Variants in N4BP2L2 observed in about 807,000 individuals in gnomAD.
N4BP2L2 encodes the protein NEDD4 binding protein 2 like 2, also known as NEDD4-binding protein 2-like 2.
In N4BP2L2, 50 loss-of-function variants were observed where a neutral mutation model predicts 56.2. That is an observed-to-expected ratio of 0.89 (90% CI 0.71 to 1.13). N4BP2L2 has a LOEUF of 1.13. N4BP2L2 is among the 50% of genes most tolerant of loss of function. N4BP2L2 has a pLI of 0.00. For synonymous variants in N4BP2L2, 203 were observed against 223.6 expected, an observed-to-expected ratio of 0.91 and a Z score of 0.82; for missense variants, 689 against 693.8, an observed-to-expected ratio of 0.99 and a Z score of 0.08.
chr13:32,454,419 G>T (rs556176117), intron 6 of N4BP2L2, among the ~76,000 whole-genome samples: 1 of 152,072 alleles, frequency 6.6e-6, no homozygotes, highest in Non-Finnish European at 1.5e-5. Context: ...CAAACCTTGG[G>T]GGGGAGGGGG....
chr13:32,444,266 G>C (rs2076707850), intron 6 of N4BP2L2: 1 of 552,790 alleles, frequency 1.8e-6, no homozygotes, highest in East Asian at 3.5e-5. Context: ...CTTTTTCTTT[G>C]TTTGTTTGTT....
chr13:32,449,275 T>A (rs1274088153), intron 6 of N4BP2L2, among the ~76,000 whole-genome samples: 1 of 152,228 alleles, frequency 6.6e-6, no homozygotes, highest in Non-Finnish European at 1.5e-5. Flanking sequence ...ATGTAGTTTG[T>A]CTCACTAAAC....
At chr13:32,534,189 G>A (rs1419427951) in intron 2 of N4BP2L2, among the ~76,000 whole-genome samples, 1 of 151,918 alleles carries the variant, frequency 6.6e-6, no homozygotes, top group Non-Finnish European at 1.5e-5. Flanking sequence ...GGTACTTGTT[G>A]GTACTACATA....
At chr13:32,480,658 T>TA in intron 6 of N4BP2L2, 1 of 1,279,592 alleles carries the variant, frequency 7.8e-7, no homozygotes, top group Admixed American at 2.4e-5. Flanking sequence ...AAATAACATT[T>TA]AGATTGTGCT....
chr13:32,535,229 TTC>T (rs1283632013), intron 2 of N4BP2L2, among the ~76,000 whole-genome samples: 2 of 152,200 alleles, frequency 1.3e-5, no homozygotes, highest in African/African-American at 2.4e-5. Flanking sequence ...TACCCAAATT[TTC>T]TCTTTTTCTC....
intron 6 of N4BP2L2, chr13:32,478,345 G>A (rs568253396): frequency 1.5e-4 from 38 of 249,964 alleles, no homozygotes; most frequent in African/African-American, 2.0e-4. Flanking sequence ...ACTATATAAC[G>A]CAATTTCTTA....
chr13:32,536,331 A>C (rs1454853676), exon 2 of N4BP2L2: 1 of 1,614,052 alleles, frequency 6.2e-7, no homozygotes, highest in Middle Eastern at 1.6e-4. Flanking sequence ...TGATAATCAC[A>C]ATGTGATGGC....
At chr13:32,510,928 C>G (rs2047994012) in exon 6 of N4BP2L2, 1 of 150,960 alleles carries the variant, frequency 6.6e-6, no homozygotes, top group South Asian at 2.1e-4. Flanking sequence ...AAGATGGAAT[C>G]AACTCTTCAC....
chr13:32,502,054 C>A (rs1484504068), intron 6 of N4BP2L2, among the ~76,000 whole-genome samples: 2 of 148,830 alleles, frequency 1.3e-5, no homozygotes, highest in African/African-American at 2.5e-5. Flanking sequence ...TCTAGACCTA[C>A]TACAGCATTT....
intron 6 of N4BP2L2, among the ~76,000 whole-genome samples, chr13:32,458,359 C>T (rs1182401349): frequency 6.6e-6 from 1 of 152,188 alleles, no homozygotes; most frequent in Non-Finnish European, 1.5e-5. Context: ...GCCACTGTGC[C>T]CGGCCAAATT....
At chr13:32,435,904 A>G (rs1435555535) in intron 9 of N4BP2L2, among the ~76,000 whole-genome samples, 2 of 152,236 alleles carry the variant, frequency 1.3e-5, no homozygotes, top group African/African-American at 4.8e-5. Flanking sequence ...GCATTTGAAA[A>G]AAAATGCAAT....
chr13:32,507,232 T>C (rs539935992), downstream of N4BP2L2: 1 of 152,216 alleles, frequency 6.6e-6, no homozygotes, highest in African/African-American at 2.4e-5. Flanking sequence ...AGTCCCAGAT[T>C]TAAAGAGATC....
chr13:32,513,017 G>A (rs2048449934), exon 6 of N4BP2L2: 1 of 151,268 alleles, frequency 6.6e-6, no homozygotes, highest in Admixed American at 6.6e-5. Context: ...GGGCAACAGA[G>A]CGAGACTCCG....
intron 6 of N4BP2L2, among the ~76,000 whole-genome samples, chr13:32,444,512 C>G (rs1002449135): frequency 1.1e-4 from 16 of 152,166 alleles, no homozygotes; most frequent in Admixed American, 1.3e-4. Flanking sequence ...GGTGATCCGC[C>G]TGCCTCAGCC....
At chr13:32,481,014 G>C (rs1023307524) in intron 6 of N4BP2L2, among the ~76,000 whole-genome samples, 1 of 149,402 alleles carries the variant, frequency 6.7e-6, no homozygotes, top group Non-Finnish European at 1.5e-5. Context: ...AGCTACTCGG[G>C]AGGCTGAGGC....
chr13:32,502,018 TAATG>T (rs1379330754), intron 6 of N4BP2L2, among the ~76,000 whole-genome samples: 1 of 151,220 alleles, frequency 6.6e-6, no homozygotes, highest in Non-Finnish European at 1.5e-5. Context: ...ATAAATTCGA[TAATG>T]AAAAAAATCA....
rs762111188 is a variant in N4BP2L2, at chr13:32,477,943, T to C, written c.366-33817A>G. 3.9e-6 allele frequency: 5 copies of C among 1,289,424 alleles called. No individual in the cohort carries two copies. In the South Asian group the frequency reaches 6.2e-5, roughly 16 times the overall value. The allele number at this position is 1,289,424 out of a possible 1,614,324, so 79.9% of individuals were successfully genotyped here. On this transcript the variant is annotated intron_variant, in intron 6 of 9. Transcript: ENST00000357505. Reference sequence around the variant, plus strand: ...CAATGTGTCAGTCTCCCTTTTGTTCTTGCTGCTCTTGGTCATGTCCTTGAT... The same window carrying C: ...CAATGTGTCAGTCTCCCTTTTGTTCCTGCTGCTCTTGGTCATGTCCTTGAT...
At chr13:32,536,265 T>C (rs781405050) in exon 2 of N4BP2L2, 1 of 1,613,596 alleles carries the variant, frequency 6.2e-7, no homozygotes, top group Admixed American at 1.7e-5. Context: ...TCACAAAATG[T>C]AGGTATTACT....
intron 6 of N4BP2L2, among the ~76,000 whole-genome samples, chr13:32,451,685 G>C (rs1015474931): frequency 6.6e-6 from 1 of 151,328 alleles, no homozygotes; most frequent in African/African-American, 2.4e-5. Context: ...TGGGACCACA[G>C]GTATGTGCCA....
Sources: allele counts gnomAD v4.1 joint callset (sites outside exome capture counted in the v4.1 genomes callset), GRCh38; gene constraint gnomAD v4.1.1; transcripts MANE v1.5; gene names NCBI Gene and HGNC (gene_info 2026-07-23, HGNC 2026-07-21).